NAA60: variants seen among roughly 807,000 people sequenced by gnomAD.
NAA60 encodes the protein N-alpha-acetyltransferase 60.
A neutral mutation model predicts 26.1 loss-of-function variants in NAA60; 8 were observed. The observed-to-expected ratio is 0.31, with a 90% confidence interval of 0.18 to 0.55. The LOEUF is 0.55. NAA60 is among the 20% of genes least tolerant of loss of function. The pLI, the probability that NAA60 is intolerant of heterozygous loss-of-function variation, is 0.93. For missense variants in NAA60, 290 were observed against 311.3 expected (o/e 0.93, Z 0.51); for synonymous variants, 131 against 122.5 (o/e 1.07, Z -0.46).
intron 2 of NAA60, chr16:3,456,656 A>G (rs1468712131): frequency 6.6e-6 from 1 of 152,224 alleles, no homozygotes; most frequent in East Asian, 1.9e-4. Flanking sequence ...ATAAAAGCCT[A>G]GCTTGACAGT....
intron 7 of NAA60, 170 bp from the exon 8 acceptor site, chr16:3,485,297 G>C (rs776268556): frequency 3.6e-6 from 2 of 557,726 alleles, no homozygotes; most frequent in Non-Finnish European, 6.8e-6. Flanking sequence ...GCCTTTATTT[G>C]TGTGGGGACC....
At chr16:3,456,354 G>C (rs1222405509) in intron 2 of NAA60, among the ~76,000 whole-genome samples, 1 of 152,060 alleles carries the variant, frequency 6.6e-6, no homozygotes, top group African/African-American at 2.4e-5. Flanking sequence ...CCTGAGTTTT[G>C]CCTGTTTTTA....
rs763699446 is a variant in NAA60, at chr16:3,484,657, C to T, written c.573-42C>T. 1.7e-5 allele frequency: 26 copies of T among 1,558,098 alleles called. No individual in the cohort carries two copies. The East Asian group carries it at 4.3e-4, about 26-fold the overall frequency. ...CCCCTGATGACTGTGCCCTGGCGAGCGTGGTCAGGGCAAGTCGGAATCTTC... is the reference window on the plus strand; with the variant it reads ...CCCCTGATGACTGTGCCCTGGCGAGTGTGGTCAGGGCAAGTCGGAATCTTC... On this transcript the variant is annotated intron_variant, in intron 6 of 7. Transcript: ENST00000407558.
chr16:3,464,410 T>C (rs2035606732), intron 2 of NAA60, among the ~76,000 whole-genome samples: 1 of 151,972 alleles, frequency 6.6e-6, no homozygotes. Flanking sequence ...ACCCAGCAGA[T>C]GGTGAGGGAA....
chr16:3,449,625 C>T (rs1276801616), intron 2 of NAA60, among the ~76,000 whole-genome samples: 1 of 152,152 alleles, frequency 6.6e-6, no homozygotes, highest in Admixed American at 6.5e-5. Flanking sequence ...ATGGAGGTTG[C>T]AGTGAGCTGA....
At position 3,476,285 on chromosome 16, in the gene NAA60, C is replaced by T; in HGVS notation, c.58C>T (p.His20Tyr). ...LSEVSLRLLC[H>Y]DDIDTVKHLC... ...CGAGGTCAGCCTGCGCCTCCTCTGC[C>T]ACGATGACATAGACACTGTGAAGCA... Residue 20 changes from histidine to tyrosine, a missense_variant, in exon 3 of 8, where the codon CAC becomes TAC. By Grantham distance (83) the His-to-Tyr change is moderately conservative. Coordinates refer to ENST00000407558, the MANE Select transcript of NAA60 (RefSeq NM_001083601.3). 4.3e-6 allele frequency: 7 copies of T among 1,614,002 alleles called. No homozygotes were observed. The highest frequency in any genetic ancestry group is 5.9e-6 in the Non-Finnish European group (7 of 1,179,866).
chr16:3,470,673 G>C (rs186274288), intron 2 of NAA60, among the ~76,000 whole-genome samples: 2,108 of 82,112 alleles, frequency 0.026, 45 homozygotes, highest in African/African-American at 0.064. Flanking sequence ...AGTGGGGTTG[G>C]GGGGGGCCGC....
intron 3 of NAA60, among the ~76,000 whole-genome samples, chr16:3,477,051 AAAG>A (rs1201213646): frequency 1.3e-3 from 193 of 151,480 alleles, no homozygotes; most frequent in Admixed American, 5.7e-3. Flanking sequence ...CAAAAAAAAG[AAAG>A]AAAGATATTA....
chr16:3,462,093 A>AAAAAAAAAAAC (rs2035443159), intron 2 of NAA60, among the ~76,000 whole-genome samples: 1 of 151,628 alleles, frequency 6.6e-6, no homozygotes, highest in South Asian at 2.1e-4. Flanking sequence ...TATCAAAAAA[A>AAAAAAAAAAAC]AAAAAAAAAA....
intron 2 of NAA60, among the ~76,000 whole-genome samples, chr16:3,475,207 A>T (rs2036404359): frequency 6.6e-6 from 1 of 151,378 alleles, no homozygotes; most frequent in African/African-American, 2.4e-5. Context: ...CTCCTGCCTC[A>T]GCCTCCACAG....
intron 4 of NAA60, among the ~76,000 whole-genome samples, chr16:3,480,686 C>G (rs1166882060): frequency 8.7e-6 from 1 of 115,330 alleles, no homozygotes; most frequent in Non-Finnish European, 1.9e-5. Flanking sequence ...GGGCAGATCA[C>G]GAGGTCAGGA....
chr16:3,476,401 C>A, intron 3 of NAA60, 64 bp downstream of exon 3: 2 of 1,305,648 alleles, frequency 1.5e-6, no homozygotes, highest in Non-Finnish European at 2.2e-6. Context: ...AGCTGGGCGG[C>A]GGGGGTGGGG....
chr16:3,486,012 A>C lies in NAA60; in HGVS notation c.*752A>C, dbSNP rs1277442012. 1 of 250,944 alleles carries C rather than the reference A, an allele frequency of 4.0e-6. No individual in the cohort carries two copies. Among genetic ancestry groups the C allele is most frequent in the African/African-American group, 2.3e-5 (1 of 43,860 alleles). The allele number at this position is 250,944 out of a possible 1,614,324, so 15.5% of individuals were successfully genotyped here. ...GCTCCATTCAGCTGACCTGCTGAGG[A>C]CAGGCATCGCCGAGACTCCTTGGGT... On this transcript the variant is annotated 3_prime_UTR_variant, in exon 8 of 8. Transcript: ENST00000407558.
intron 4 of NAA60, 150 bp downstream of exon 4, chr16:3,479,750 G>A: frequency 3.5e-6 from 3 of 850,728 alleles, no homozygotes; most frequent in Non-Finnish European, 5.3e-6. Flanking sequence ...ACTTGTCCCT[G>A]GCTGGTGCTT....
chr16:3,466,423 C>A (rs2035766994), intron 2 of NAA60, among the ~76,000 whole-genome samples: 1 of 152,230 alleles, frequency 6.6e-6, no homozygotes, highest in Admixed American at 6.5e-5. Flanking sequence ...CTCACGTGGG[C>A]AGCTGCTCCT....
At chr16:3,458,712 TCTC>T (rs1209420408) in intron 2 of NAA60, among the ~76,000 whole-genome samples, 1 of 152,130 alleles carries the variant, frequency 6.6e-6, no homozygotes, top group Non-Finnish European at 1.5e-5. Flanking sequence ...TCCGTCTAGG[TCTC>T]CTCCTAGTCT....
intron 1 of NAA60, chr16:3,447,633 A>T: frequency 2.0e-6 from 2 of 985,388 alleles, no homozygotes; most frequent in South Asian, 4.7e-5. Flanking sequence ...AAGCAAGATT[A>T]TCTTTCTCCC....
chr16:3,460,147 G>A (rs529082082), intron 2 of NAA60, among the ~76,000 whole-genome samples: 2 of 152,244 alleles, frequency 1.3e-5, no homozygotes, highest in South Asian at 4.1e-4. Flanking sequence ...TCTGAGTTAG[G>A]GCAGTGCATG....
rs925679673 is a variant in NAA60, at chr16:3,483,017, G to A, written c.338-346G>A. The A allele has an allele frequency of 6.3e-6, 3 of 473,282 alleles. No homozygotes were observed. In the Admixed American group the frequency reaches 1.1e-4, roughly 18 times the overall value. 29.3% of individuals were successfully genotyped at this position (473,282 alleles called of 1,614,324 possible). On this transcript the variant is annotated intron_variant, in intron 5 of 7. Transcript: ENST00000407558. ...CACCCCACTCGGCCACACGGCCAGTGAGCGGCAGAGTCTTAATTAATTTTA... is the reference window on the plus strand; with the variant it reads ...CACCCCACTCGGCCACACGGCCAGTAAGCGGCAGAGTCTTAATTAATTTTA...
Sources: gnomAD v4.1 joint callset for allele counts (sites outside exome capture counted in the v4.1 genomes callset) on GRCh38, gnomAD v4.1.1 for gene constraint, MANE v1.5 for transcripts, NCBI Gene and HGNC (gene_info 2026-07-23, HGNC 2026-07-21) for gene names.